The following POR variants were observed in gnomAD, a reference collection of about 807,000 sequenced individuals.
POR encodes the protein NADPH--cytochrome P450 reductase.
In POR, 56 loss-of-function variants were observed where a neutral mutation model predicts 84.0. The ratio of observed to expected loss-of-function variants is 0.67; its 90% CI spans 0.54 to 0.83. The LOEUF (loss-of-function observed/expected upper bound fraction) is 0.83, where lower values mean the gene tolerates loss of function less well. Ranked by LOEUF, POR falls within the 40% of genes least tolerant of loss-of-function variation. The pLI, the probability that POR is intolerant of heterozygous loss-of-function variation, is 0.00. For synonymous variants in POR, 414 were observed against 400.5 expected (o/e 1.03, Z -0.40); for missense variants, 938 against 944.3 (o/e 0.99, Z 0.09).
chr7:75,945,430 GATA>G (rs1554552029), intron 1 of POR: 1 of 152,240 alleles, frequency 6.6e-6, no homozygotes, highest in African/African-American at 2.4e-5. Flanking sequence ...TCTCAGTACA[GATA>G]ATAAACTTCC....
intron 1 of POR, among the ~76,000 whole-genome samples, chr7:75,922,496 T>G: frequency 6.6e-6 from 1 of 152,056 alleles, no homozygotes; most frequent in East Asian, 1.9e-4. Flanking sequence ...GCTAATTTTT[T>G]GTAATTTTAG....
At chr7:75,926,251 T>A (rs771453136) in intron 1 of POR, among the ~76,000 whole-genome samples, 256 of 152,026 alleles carry the variant, frequency 1.7e-3, no homozygotes, top group Non-Finnish European at 2.4e-3. Flanking sequence ...CCTGTTGACC[T>A]CCCAAAGTGC....
At chr7:75,956,649 G>A (rs1787699310) in intron 2 of POR, among the ~76,000 whole-genome samples, 1 of 152,108 alleles carries the variant, frequency 6.6e-6, no homozygotes. Context: ...CGTATTTCGT[G>A]CCAGGCACTA....
intron 1 of POR, among the ~76,000 whole-genome samples, chr7:75,949,552 C>T (rs1787322670): frequency 6.6e-6 from 1 of 151,950 alleles, no homozygotes; most frequent in African/African-American, 2.4e-5. Flanking sequence ...TTCTCCAGCA[C>T]TCCAGGCTGG....
chr7:75,952,166 G>A (rs1431629835), intron 1 of POR, among the ~76,000 whole-genome samples: 7 of 97,936 alleles, frequency 7.1e-5, no homozygotes, highest in Non-Finnish European at 1.2e-4. Context: ...CCTCCCGGAC[G>A]GGGCAGCTGG....
chr7:75,984,975 CCCGCAACCT>C lies in POR; in HGVS notation c.1248+22_1248+30del, dbSNP rs1563434286. ...GAGGGCAAGGTGCGCCCCCTCAGCC[CCCGCAACCT>C]CCGCCCCGTCACCCCGCCGTTTTCC... On this transcript the variant is annotated intron_variant, in intron 11 of 15. Transcript: ENST00000461988. The C allele has an allele frequency of 3.8e-6, 6 of 1,576,022 alleles. No homozygotes were observed. The East Asian group carries it at 6.8e-5, about 18-fold the overall frequency.
At chr7:75,940,522 C>G (rs1807928186) in intron 1 of POR, among the ~76,000 whole-genome samples, 1 of 151,246 alleles carries the variant, frequency 6.6e-6, no homozygotes, top group African/African-American at 2.4e-5. Flanking sequence ...CAGTGGCTCA[C>G]ACCTGTAATA....
chr7:75,940,804 C>T (rs1296307939), intron 1 of POR, among the ~76,000 whole-genome samples: 2 of 151,766 alleles, frequency 1.3e-5, no homozygotes, highest in Non-Finnish European at 2.9e-5. Context: ...AAAGAAAAAA[C>T]GTAGGCACTC....
chr7:75,928,377 C>T (rs1807253239), intron 1 of POR, among the ~76,000 whole-genome samples: 1 of 152,242 alleles, frequency 6.6e-6, no homozygotes, highest in Non-Finnish European at 1.5e-5. Flanking sequence ...GTCGTGGACA[C>T]CTGCAGCAGA....
intron 3 of POR, among the ~76,000 whole-genome samples, chr7:75,975,170 A>C (rs1004904904): frequency 2.4e-4 from 36 of 148,454 alleles, no homozygotes; most frequent in Non-Finnish European, 4.5e-5. Flanking sequence ...TTTTTTTTCT[A>C]GTACTTTTAG....
Position 75,954,097 on chromosome 7 carries a change from G to A in POR, c.105G>A (p.Ser35=), listed in dbSNP as rs1554553365. Reference sequence around the variant, plus strand: ...GCATGACGGACATGATTCTGTTTTCGCTCATCGTGGGTCTCCTAACCTACT... The same window carrying A: ...GCATGACGGACATGATTCTGTTTTCACTCATCGTGGGTCTCCTAACCTACT... The change falls in exon 2 of 16, where the codon TCG becomes TCA. Residue 35 remains serine (S), a synonymous_variant. Coordinates refer to ENST00000461988, the MANE Select transcript of POR (RefSeq NM_000941.3). 5.6e-6 allele frequency: 9 copies of A among 1,613,146 alleles called. No individual in the cohort carries two copies. The highest frequency in any genetic ancestry group is 7.6e-6 in the Non-Finnish European group (9 of 1,179,496).
At chr7:75,972,738 C>A (rs782138926) in intron 3 of POR, 1 of 519,020 alleles carries the variant, frequency 1.9e-6, no homozygotes, top group Non-Finnish European at 3.5e-6. Flanking sequence ...CTTCTCCCGT[C>A]TGGCCCTGGC....
intron 2 of POR, among the ~76,000 whole-genome samples, chr7:75,969,055 C>T (rs987749719): frequency 5.3e-5 from 8 of 152,248 alleles, no homozygotes; most frequent in Non-Finnish European, 1.2e-4. Context: ...CAGCCATAAG[C>T]GTCTGCTCCC....
rs1201868084 is a variant in POR at position 75,967,693 on chromosome 7, A to T, written c.189-4720A>T. ...GGAGGGCGTGGGGAGAAGGGCTCTG[A>T]TATAAACAGTTACCAAGGAGACCCG... On this transcript the variant is annotated intron_variant, in intron 2 of 15. Coordinates refer to ENST00000461988, the MANE Select transcript of POR (RefSeq NM_000941.3). 3.7e-5 allele frequency: 8 copies of T among 214,248 alleles called. No individual in the cohort carries two copies. In the South Asian group the frequency reaches 5.0e-4, roughly 13 times the overall value. The allele number at this position is 214,248 out of a possible 1,614,324, so 13.3% of individuals were successfully genotyped here.
chr7:75,929,809 CCT>C (rs1554549954), intron 1 of POR, among the ~76,000 whole-genome samples: 2 of 152,172 alleles, frequency 1.3e-5, no homozygotes, highest in Non-Finnish European at 1.5e-5. Flanking sequence ...CAGAGCACCC[CCT>C]GTGACTCCGT....
At chr7:75,925,317 G>A (rs1807061240) in intron 1 of POR, among the ~76,000 whole-genome samples, 1 of 151,954 alleles carries the variant, frequency 6.6e-6, no homozygotes, top group Non-Finnish European at 1.5e-5. Context: ...AGACCAGCCT[G>A]GGCAAGAGAG....
At position 75,986,251 on chromosome 7, in the gene POR, T is replaced by TG. The variant is rs781904289; in HGVS notation, c.1898+14dup. The TG allele has an allele frequency of 3.0e-5, 48 of 1,612,322 alleles. No individual in the cohort carries two copies. The highest frequency in any genetic ancestry group is 3.9e-5 in the Non-Finnish European group (46 of 1,179,742). On this transcript the variant is annotated intron_variant, in intron 15 of 15. Coordinates refer to ENST00000461988, the MANE Select transcript of POR (RefSeq NM_000941.3). ...ACATCTACGTCTGTGGGTGAGTGAGTGGGGTCACTGGAATAGGGGGCAGGG... is the reference window on the plus strand; with the variant it reads ...ACATCTACGTCTGTGGGTGAGTGAGTGGGGGTCACTGGAATAGGGGGCAGGG...
At chr7:75,953,945 C>G (rs1221564409) in intron 1 of POR, 44 bp from the exon 2 acceptor site, 3 of 1,475,222 alleles carry the variant, frequency 2.0e-6, no homozygotes, top group Non-Finnish European at 2.7e-6. Flanking sequence ...TCAGGGGCAC[C>G]CTGCTACCCT....
chr7:75,966,857 G>T (rs916635428), intron 2 of POR, among the ~76,000 whole-genome samples: 6 of 152,152 alleles, frequency 3.9e-5, no homozygotes, highest in African/African-American at 1.4e-4. Flanking sequence ...CAATTTAGGC[G>T]TGGAGAGCCT....
Sources: gnomAD v4.1 joint callset for allele counts (sites outside exome capture counted in the v4.1 genomes callset) on GRCh38, gnomAD v4.1.1 for gene constraint, MANE v1.5 for transcripts, NCBI Gene and HGNC (gene_info 2026-07-23, HGNC 2026-07-21) for gene names.